ARHGAP44: variants seen among roughly 807,000 people sequenced by gnomAD.
ARHGAP44 encodes Rho GTPase activating protein 44, also known as rho GTPase-activating protein 44.
In ARHGAP44, 43 loss-of-function variants were observed where a neutral mutation model predicts 106.8. That is an observed-to-expected ratio of 0.40 (90% CI 0.32 to 0.52). The LOEUF is 0.52. Ranked by LOEUF, ARHGAP44 falls within the 20% of genes least tolerant of loss-of-function variation. The pLI is 0.48. For missense variants in ARHGAP44, 866 were observed against 1,050.5 expected (o/e 0.82, Z 2.43); for synonymous variants, 439 against 410.3 (o/e 1.07, Z -0.85).
chr17:12,962,104 A>G lies in ARHGAP44; in HGVS notation c.1523+3207A>G, dbSNP rs1025472444. 2.0e-5 allele frequency among the ~76,000 whole-genome samples: 3 copies of G among 152,020 alleles called. No individual in the cohort carries two copies. In the East Asian group the frequency reaches 5.8e-4, roughly 29 times the overall value. On this transcript the variant is annotated intron_variant, in intron 16 of 20. Coordinates refer to ENST00000379672, the MANE Select transcript of ARHGAP44 (RefSeq NM_014859.6). Reference sequence around the variant, plus strand: ...AAATATATATATATATGAATTATATATCAATAAAGCAGATACTTATTTAAA... The same window carrying G: ...AAATATATATATATATGAATTATATGTCAATAAAGCAGATACTTATTTAAA...
intron 1 of ARHGAP44, among the ~76,000 whole-genome samples, chr17:12,884,661 A>G (rs2036832663): frequency 6.6e-6 from 1 of 152,180 alleles, no homozygotes; most frequent in Non-Finnish European, 1.5e-5. Flanking sequence ...TACCTCAAAA[A>G]GTTCCCTCAT....
At chr17:12,932,577 A>C (rs2038432065) in intron 7 of ARHGAP44, among the ~76,000 whole-genome samples, 1 of 152,208 alleles carries the variant, frequency 6.6e-6, no homozygotes, top group African/African-American at 2.4e-5. Flanking sequence ...CATCTTCTAC[A>C]CAAAAGTTAA....
intron 5 of ARHGAP44, among the ~76,000 whole-genome samples, chr17:12,918,402 A>T (rs2037979164): frequency 6.6e-6 from 1 of 152,176 alleles, no homozygotes; most frequent in Non-Finnish European, 1.5e-5. Flanking sequence ...ATTTTAGTTC[A>T]ATTTTCGGCC....
At chr17:12,862,396 C>T (rs1015912071) in intron 1 of ARHGAP44, among the ~76,000 whole-genome samples, 4 of 152,298 alleles carry the variant, frequency 2.6e-5, no homozygotes, top group Admixed American at 6.5e-5. Flanking sequence ...CATGTGTCCT[C>T]CTCCTGAGTT....
At chr17:12,899,944 G>T (rs368782460) in intron 3 of ARHGAP44, among the ~76,000 whole-genome samples, 16 of 152,112 alleles carry the variant, frequency 1.1e-4, no homozygotes, top group Admixed American at 2.6e-4. Flanking sequence ...TAAAAGTTTT[G>T]CCCTGAAAGC....
intron 6 of ARHGAP44, among the ~76,000 whole-genome samples, chr17:12,922,295 A>G (rs893520733): frequency 1.3e-5 from 2 of 152,254 alleles, no homozygotes; most frequent in East Asian, 1.9e-4. Context: ...TGATGCAAAT[A>G]TGAGACTAAC....
At chr17:12,863,186 G>C (rs1018132689) in intron 1 of ARHGAP44, among the ~76,000 whole-genome samples, 13 of 151,274 alleles carry the variant, frequency 8.6e-5, no homozygotes, top group African/African-American at 2.7e-4. Context: ...TTTTTTAAAG[G>C]TTATTGCACC....
intron 1 of ARHGAP44, among the ~76,000 whole-genome samples, chr17:12,841,689 G>T (rs1011235456): frequency 6.6e-6 from 1 of 150,422 alleles, no homozygotes; most frequent in South Asian, 2.1e-4. Context: ...GGAGGGACAC[G>T]CAGGGGCTCC....
intron 1 of ARHGAP44, among the ~76,000 whole-genome samples, chr17:12,879,413 G>T (rs896887478): frequency 2.0e-5 from 3 of 152,094 alleles, no homozygotes; most frequent in Non-Finnish European, 4.4e-5. Context: ...GTTGCAAATT[G>T]TGCTGCTATA....
intron 1 of ARHGAP44, among the ~76,000 whole-genome samples, chr17:12,841,594 T>TCTCTCTCTCTCTCTCA (rs1417307080): frequency 4.1e-4 from 52 of 126,576 alleles, no homozygotes; most frequent in Admixed American, 1.0e-3. Context: ...TGTCTCTCTC[T>TCTCTCTCTCTCTCTCA]CACACACACA....
In ARHGAP44 at chr17:12,958,914, C is replaced by A; in HGVS notation, c.1523+17C>A. The A allele has an allele frequency of 6.3e-7, 1 of 1,594,804 alleles. No individual in the cohort carries two copies. The highest frequency in any genetic ancestry group is 1.1e-5 in the South Asian group (1 of 88,168). On this transcript the variant is annotated intron_variant, in intron 16 of 20. Coordinates refer to ENST00000379672, the MANE Select transcript of ARHGAP44 (RefSeq NM_014859.6). The surrounding 1 kb of genome is among the most constrained non-coding windows in gnomAD (Gnocchi z 4.1). ...AAAGGATGGGTATGAACTGGTGTCT[C>A]TTTCTCAGCACTGGGGATTAGGGGA...
Position 12,978,036 on chromosome 17 carries a change from C to CAAAAAAAAAAAAAAAAAAAAAAAAAA in ARHGAP44, c.1764-2002_1764-2001insAAAAAAAAAAAAAAAAAAAAAAAAAA, listed in dbSNP as rs1157325814. Among the ~76,000 whole-genome samples, 3 of 89,298 alleles carry CAAAAAAAAAAAAAAAAAAAAAAAAAA rather than the reference C, an allele frequency of 3.4e-5. 1 individual carries two copies. The highest frequency in any genetic ancestry group is 2.0e-5 in the Non-Finnish European group (1 of 50,792). 58.6% of individuals were successfully genotyped at this position (89,298 alleles called of 152,430 possible). A position where few individuals can be genotyped will look rare whatever the true frequency, so the allele number is the denominator to read the frequency against. On this transcript the variant is annotated intron_variant, in intron 18 of 20. Transcript: ENST00000379672. ...TGGGCAACAGAGCAAGACTCCATCT[C>CAAAAAAAAAAAAAAAAAAAAAAAAAA]AAAAAAAAAAAAAAAAAAAAGTGTG...
chr17:12,802,703 C>G (rs974984434), intron 1 of ARHGAP44, among the ~76,000 whole-genome samples: 4 of 147,738 alleles, frequency 2.7e-5, no homozygotes, highest in Non-Finnish European at 4.5e-5. Flanking sequence ...GTTCTACTTA[C>G]TGATTTAGTG....
chr17:12,896,381 G>A, intron 2 of ARHGAP44, 26 bp from the exon 3 acceptor site: 1 of 1,563,276 alleles, frequency 6.4e-7, no homozygotes, highest in Non-Finnish European at 8.7e-7. Flanking sequence ...CTCTCTCAGT[G>A]GCACCACCCG....
At chr17:12,841,495 G>A (rs948874130) in intron 1 of ARHGAP44, among the ~76,000 whole-genome samples, 1 of 151,758 alleles carries the variant, frequency 6.6e-6, no homozygotes, top group Non-Finnish European at 1.5e-5. Flanking sequence ...TAAGGCAGGA[G>A]AATTGCTTGA....
intron 1 of ARHGAP44, among the ~76,000 whole-genome samples, chr17:12,855,852 A>C (rs1428643040): frequency 1.3e-5 from 2 of 151,872 alleles, no homozygotes; most frequent in African/African-American, 4.9e-5. Context: ...AAAATAACAG[A>C]GACAGTGTGG....
intron 1 of ARHGAP44, among the ~76,000 whole-genome samples, chr17:12,867,613 C>T (rs1212585719): frequency 6.6e-6 from 1 of 152,146 alleles, no homozygotes; most frequent in Non-Finnish European, 1.5e-5. Context: ...TCTTTAAGGA[C>T]AGTACCCAGA....
chr17:12,952,080 G>T (rs981351807), intron 12 of ARHGAP44, among the ~76,000 whole-genome samples: 1 of 152,164 alleles, frequency 6.6e-6, no homozygotes, highest in Admixed American at 6.5e-5. Flanking sequence ...CCAGGACAGT[G>T]CAAGATAGCC....
At chr17:12,838,349 G>T (rs1050483728) in intron 1 of ARHGAP44, among the ~76,000 whole-genome samples, 3 of 152,128 alleles carry the variant, frequency 2.0e-5, no homozygotes, top group Non-Finnish European at 1.5e-5. Flanking sequence ...ATATCAAAAA[G>T]AAAACACATA....
Sources: gnomAD v4.1 joint callset for allele counts (sites outside exome capture counted in the v4.1 genomes callset) on GRCh38, gnomAD v4.1.1 for gene constraint, Gnocchi (gnomAD v3.1) non-coding constraint, MANE v1.5 for transcripts, NCBI Gene and HGNC (gene_info 2026-07-23, HGNC 2026-07-21) for gene names.